Variants in GLG1 observed in about 807,000 individuals in gnomAD.
The protein encoded by GLG1 is golgi glycoprotein 1.
In GLG1, 38 loss-of-function variants were observed where a neutral mutation model predicts 160.5. That is an observed-to-expected ratio of 0.24 (90% confidence interval 0.18 to 0.31). GLG1 has a LOEUF of 0.31. Among genes scored for constraint, GLG1 ranks in the 10% least tolerant of loss-of-function variants. The pLI is 1.00. For missense variants in GLG1, 1,373 were observed against 1,505.2 expected (o/e 0.91, Z 1.45); for synonymous variants, 644 against 543.4 (o/e 1.19, Z -2.57).
chr16:74,526,913 C>T (rs993132801), intron 2 of GLG1, among the ~76,000 whole-genome samples: 11 of 152,134 alleles, frequency 7.2e-5, no homozygotes, highest in African/African-American at 2.2e-4. Context: ...TTGAGTAAGT[C>T]GCTACACGCA....
intron 19 of GLG1, among the ~76,000 whole-genome samples, chr16:74,465,228 G>A (rs1360170689): frequency 6.6e-6 from 1 of 152,216 alleles, no homozygotes; most frequent in African/African-American, 2.4e-5. Context: ...ACCTGCTGGA[G>A]GAGGGAATGA....
intron 1 of GLG1, among the ~76,000 whole-genome samples, chr16:74,540,883 A>G (rs1323061003): frequency 1.3e-5 from 2 of 152,230 alleles, no homozygotes; most frequent in Non-Finnish European, 2.9e-5. Context: ...TTCACTGCTC[A>G]GCTGCCTGAA....
intron 1 of GLG1, among the ~76,000 whole-genome samples, chr16:74,570,398 T>A (rs2018791628): frequency 1.3e-5 from 2 of 152,210 alleles, no homozygotes; most frequent in Non-Finnish European, 2.9e-5. Context: ...CAGAAAATCT[T>A]AAAAGAAGCT....
intron 1 of GLG1, among the ~76,000 whole-genome samples, chr16:74,564,103 T>C (rs1490297684): frequency 1.3e-5 from 2 of 152,170 alleles, no homozygotes; most frequent in African/African-American, 4.8e-5. Context: ...GTATTTTCTG[T>C]AGAGACAGGG....
chr16:74,579,364 C>CG (rs11387855), intron 1 of GLG1, among the ~76,000 whole-genome samples: 107,819 of 151,932 alleles, frequency 0.71, 38,892 homozygotes, highest in African/African-American at 0.83. Context: ...TGCAGTGAGC[C>CG]GTGATTGTGC....
intron 1 of GLG1, among the ~76,000 whole-genome samples, chr16:74,586,688 C>T (rs972625741): frequency 2.0e-5 from 3 of 151,078 alleles, no homozygotes; most frequent in East Asian, 3.9e-4. Context: ...AATACACACA[C>T]ATTTGTAATT....
intron 1 of GLG1, among the ~76,000 whole-genome samples, chr16:74,594,214 T>C (rs1259568005): frequency 6.6e-6 from 1 of 152,104 alleles, no homozygotes; most frequent in Admixed American, 6.6e-5. Flanking sequence ...GCCTATCACA[T>C]TTATTTTTTA....
chr16:74,452,888 G>A lies in GLG1; in HGVS notation c.*279C>T, dbSNP rs1028605864. The A allele has an allele frequency of 2.1e-5, 24 of 1,126,042 alleles. No individual in the cohort carries two copies. Among genetic ancestry groups the A allele is most frequent in the Middle Eastern group, 3.7e-4 (1 of 2,722 alleles). 69.8% of individuals were successfully genotyped at this position (1,126,042 alleles called of 1,614,324 possible). ...TGGTTCTGGAAGTACCGGAAGTTCT[G>A]TTGGTATGAGAGAGACTTGTCTACA... On this transcript the variant is annotated 3_prime_UTR_variant, in exon 26 of 26. Transcript: ENST00000422840.
At chr16:74,490,943 A>C in intron 8 of GLG1, 58 bp downstream of exon 8, 2 of 1,195,082 alleles carry the variant, frequency 1.7e-6, no homozygotes, top group Non-Finnish European at 2.5e-6. Flanking sequence ...AGCATCAGGA[A>C]GAGGCTCTTC....
intron 7 of GLG1, among the ~76,000 whole-genome samples, 190 bp downstream of exon 7, chr16:74,492,767 C>G (rs1215004935): frequency 6.7e-6 from 1 of 148,584 alleles, no homozygotes; most frequent in Non-Finnish European, 1.5e-5. Flanking sequence ...TGCAGTGAGC[C>G]GAGATTGCGC....
Position 74,451,904 on chromosome 16 carries a change from T to C in GLG1, c.*1263A>G. On this transcript the variant is annotated 3_prime_UTR_variant, in exon 26 of 26. Transcript: ENST00000422840. ...TCGCCAAAATACAACATTTAGCCAATGCCTACTAGAGTGGGTACACGCAGC... is the reference window on the plus strand; with the variant it reads ...TCGCCAAAATACAACATTTAGCCAACGCCTACTAGAGTGGGTACACGCAGC... 8.0e-6 allele frequency: 5 copies of C among 621,542 alleles called. No individual in the cohort carries two copies. Among genetic ancestry groups the C allele is most frequent in the East Asian group, 2.7e-5 (1 of 36,390 alleles). The allele number at this position is 621,542 out of a possible 1,614,324, so 38.5% of individuals were successfully genotyped here. A position where few individuals can be genotyped will look rare whatever the true frequency, so the allele number is the denominator to read the frequency against.
chr16:74,589,057 C>G (rs1489181287), intron 1 of GLG1, among the ~76,000 whole-genome samples: 2 of 151,612 alleles, frequency 1.3e-5, no homozygotes. Context: ...GCCTGGCCAA[C>G]ATGGTGAAAC....
chr16:74,471,049 G>T, intron 15 of GLG1, 124 bp downstream of exon 15: 1 of 704,990 alleles, frequency 1.4e-6, no homozygotes, highest in South Asian at 1.6e-5. Context: ...GAGCCACCAC[G>T]CCTGGCTGGA....
chr16:74,605,798 G>C (rs1416741514), intron 1 of GLG1, among the ~76,000 whole-genome samples: 2 of 151,866 alleles, frequency 1.3e-5, no homozygotes, highest in African/African-American at 4.8e-5. Flanking sequence ...TCCACCTTTA[G>C]GGCTAATTTT....
intron 11 of GLG1, 76 bp downstream of exon 11, chr16:74,480,165 A>G: frequency 8.2e-7 from 1 of 1,223,678 alleles, no homozygotes; most frequent in South Asian, 1.3e-5. Context: ...TATGACTGAA[A>G]TCAGAAGAAT....
chr16:74,522,807 CA>C, intron 2 of GLG1, among the ~76,000 whole-genome samples: 1 of 152,258 alleles, frequency 6.6e-6, no homozygotes, highest in South Asian at 2.1e-4. Flanking sequence ...CCTCAGTCTC[CA>C]AAGTAGCTGG....
intron 1 of GLG1, among the ~76,000 whole-genome samples, chr16:74,598,907 T>C (rs909530501): frequency 6.7e-6 from 1 of 150,362 alleles, no homozygotes; most frequent in Non-Finnish European, 1.5e-5. Flanking sequence ...AATATATAAA[T>C]ATATATATAT....
chr16:74,606,812 C>T lies in GLG1; in HGVS notation c.283G>A (p.Gly95Ser). The change falls in exon 1 of 26, where the codon GGT becomes AGT. Residue 95 changes from glycine (G) to serine (S), a missense_variant. This residue lies in a region of GLG1 where 322 missense variants were observed against 254.6 expected (regional missense o/e 1.26). Coordinates refer to ENST00000422840, the MANE Select transcript of GLG1 (RefSeq NM_001145667.2). ...CCTCCCCGCCGGGCCGGAGGCCCAC[C>T]CGCCGGGAAAGGCGGCTGCGGCGGC... ...PQPPQPPFPA[G>S]GPPARRGGAG... The T allele has an allele frequency of 1.2e-6, 2 of 1,602,080 alleles. No individual in the cohort carries two copies. Among genetic ancestry groups the T allele is most frequent in the Non-Finnish European group, 1.7e-6 (2 of 1,174,596 alleles).
chr16:74,465,579 A>G (rs1181084056), intron 19 of GLG1, 97 bp downstream of exon 19: 7 of 1,276,964 alleles, frequency 5.5e-6, no homozygotes, highest in African/African-American at 1.5e-5. Context: ...TAGGGACCAC[A>G]CTTTGAGAAA....
Sources: allele counts gnomAD v4.1 joint callset (sites outside exome capture counted in the v4.1 genomes callset), GRCh38; gene constraint gnomAD v4.1.1; regional missense constraint gnomAD v4.1.1; transcripts MANE v1.5; gene names NCBI Gene and HGNC (gene_info 2026-07-23, HGNC 2026-07-21).